NRDE2: variants seen among roughly 807,000 people sequenced by gnomAD.
NRDE2 encodes NRDE-2, necessary for RNA interference, domain containing, also known as nuclear exosome regulator NRDE2.
In NRDE2, 76 loss-of-function variants were observed where a neutral mutation model predicts 124.2. The ratio of observed to expected loss-of-function variants is 0.61; its 90% CI spans 0.51 to 0.74. The LOEUF (loss-of-function observed/expected upper bound fraction) is 0.74, where lower values mean the gene tolerates loss of function less well. Ranked by LOEUF, NRDE2 falls within the 30% of genes least tolerant of loss-of-function variation. The pLI, the probability that NRDE2 is intolerant of heterozygous loss-of-function variation, is 0.00. For synonymous variants in NRDE2, 489 were observed against 528.1 expected (o/e 0.93, Z 1.01); for missense variants, 1,314 against 1,417.3 (o/e 0.93, Z 1.17).
At chr14:90,307,934 G>A (rs1350248642) in intron 4 of NRDE2, among the ~76,000 whole-genome samples, 1 of 152,118 alleles carries the variant, frequency 6.6e-6, no homozygotes, top group Non-Finnish European at 1.5e-5. Context: ...TTTTTGTAGA[G>A]ATGCAGCCTC....
At chr14:90,285,913 G>A (rs1302605943) in intron 12 of NRDE2, among the ~76,000 whole-genome samples, 1 of 152,168 alleles carries the variant, frequency 6.6e-6, no homozygotes, top group African/African-American at 2.4e-5. Flanking sequence ...GGGACTACAG[G>A]CCTGAACCAC....
Position 90,290,563 on chromosome 14 carries a change from G to A in NRDE2, c.1887C>T (p.Ser629=). 1 of 1,613,538 alleles carries A rather than the reference G, an allele frequency of 6.2e-7. No individual in the cohort carries two copies. Among genetic ancestry groups the A allele is most frequent in the Non-Finnish European group, 8.5e-7 (1 of 1,179,784 alleles). Residue 629 remains serine (S), a synonymous_variant, in exon 10 of 14, where the codon AGC becomes AGT. Coordinates refer to ENST00000354366, the MANE Select transcript of NRDE2 (RefSeq NM_017970.4). ...CCACCAGCTGGAACTGAAGATCATGGCTGGAAAGTCTGATCAAAGATTGCC... is the reference window on the plus strand; with the variant it reads ...CCACCAGCTGGAACTGAAGATCATGACTGGAAAGTCTGATCAAAGATTGCC... ...DIGQSLIRLS[S]HDLQFQLVEA...
At position 90,268,555 on chromosome 14, in the gene NRDE2, G is replaced by A; in HGVS notation, c.*9781C>T. The A allele has an allele frequency of 1.3e-6, 1 of 756,820 alleles. No individual in the cohort carries two copies. Among genetic ancestry groups the A allele is most frequent in the East Asian group, 2.6e-5 (1 of 39,198 alleles). 46.9% of individuals were successfully genotyped at this position (756,820 alleles called of 1,614,324 possible). On this transcript the variant is annotated 3_prime_UTR_variant, in exon 14 of 14. Coordinates refer to ENST00000354366, the MANE Select transcript of NRDE2 (RefSeq NM_017970.4). ...GCCTTCCATGCATGCTTTAGGCTCTGCTCTCCCAGGAGCCAGCTAACAACT... is the reference window on the plus strand; with the variant it reads ...GCCTTCCATGCATGCTTTAGGCTCTACTCTCCCAGGAGCCAGCTAACAACT...
At chr14:90,294,295 T>C (rs921663643) in intron 8 of NRDE2, among the ~76,000 whole-genome samples, 40 of 151,734 alleles carry the variant, frequency 2.6e-4, no homozygotes, top group African/African-American at 9.7e-4. Flanking sequence ...GTCTGCTGTA[T>C]GGAAAACAGC....
chr14:90,306,784 T>C (rs540080004), intron 4 of NRDE2, among the ~76,000 whole-genome samples: 44 of 150,148 alleles, frequency 2.9e-4, no homozygotes, highest in South Asian at 2.5e-3. Context: ...CTCTCCAGCC[T>C]GGGCAACAGA....
Position 90,267,880 on chromosome 14 carries a change from C to A in NRDE2, c.*10456G>T. On this transcript the variant is annotated 3_prime_UTR_variant, in exon 14 of 14. Transcript: ENST00000354366. ...CCAGAGAAAAAAATGAGATTTATTT[C>A]ATTACTGGAATGAAGCAATTCTTCG... The A allele has an allele frequency of 5.1e-6, 1 of 195,326 alleles. No homozygotes were observed. Among genetic ancestry groups the A allele is most frequent in the Non-Finnish European group, 1.0e-5 (1 of 96,402 alleles). 12.1% of individuals were successfully genotyped at this position (195,326 alleles called of 1,614,324 possible).
chr14:90,288,208 T>C lies in NRDE2; in HGVS notation c.3158+9A>G. On this transcript the variant is annotated intron_variant, in intron 11 of 13. Transcript: ENST00000354366. ...TGCGGGGCACACGAACAGAACGGTC[T>C]GGAATTACCTCTGGACAGTTTCCAC... is the stretch of plus-strand genomic sequence containing the variant. 1 of 1,609,636 alleles carries C rather than the reference T, an allele frequency of 6.2e-7. No individual in the cohort carries two copies.
chr14:90,330,680 G>T (rs569546755), intron 1 of NRDE2, among the ~76,000 whole-genome samples: 1 of 152,092 alleles, frequency 6.6e-6, no homozygotes, highest in African/African-American at 2.4e-5. Flanking sequence ...AGGCCTGGTG[G>T]TGCACACCAG....
intron 1 of NRDE2, among the ~76,000 whole-genome samples, chr14:90,324,617 A>G (rs1049983754): frequency 6.7e-6 from 1 of 148,836 alleles, no homozygotes; most frequent in African/African-American, 2.5e-5. Flanking sequence ...CAGAGGTTGC[A>G]GTGAGTGGAG....
At position 90,277,090 on chromosome 14, in the gene NRDE2, T is replaced by C. The variant is rs940133653; in HGVS notation, c.*1246A>G. 7 of 152,202 alleles carry C rather than the reference T, an allele frequency of 4.6e-5. No homozygotes were observed. Among genetic ancestry groups the C allele is most frequent in the Admixed American group, 2.6e-4 (4 of 15,286 alleles). 9.4% of individuals were successfully genotyped at this position (152,202 alleles called of 1,614,324 possible). ...ATCAAGGGGAGCAGCTGACGACCTG[T>C]CTGTCGCTAAGGAACACCCGGTGGG... On this transcript the variant is annotated 3_prime_UTR_variant, in exon 14 of 14. Coordinates refer to ENST00000354366, the MANE Select transcript of NRDE2 (RefSeq NM_017970.4).
chr14:90,284,859 T>C (rs1892056553), intron 12 of NRDE2, among the ~76,000 whole-genome samples: 1 of 152,212 alleles, frequency 6.6e-6, no homozygotes, highest in South Asian at 2.1e-4. Context: ...GCTGAGCCAA[T>C]TCATAGACTC....
intron 3 of NRDE2, among the ~76,000 whole-genome samples, chr14:90,315,957 CAAA>C (rs59604203): frequency 4.0e-5 from 3 of 74,406 alleles, no homozygotes; most frequent in Non-Finnish European, 5.0e-5. Flanking sequence ...AACCCCGTCT[CAAA>C]AAAAAAAAAA....
chr14:90,305,556 G>A (rs1884566819), intron 4 of NRDE2, among the ~76,000 whole-genome samples: 1 of 152,324 alleles, frequency 6.6e-6, no homozygotes, highest in East Asian at 1.9e-4. Flanking sequence ...TAAGTAAACA[G>A]AGGTACAGCC....
intron 1 of NRDE2, among the ~76,000 whole-genome samples, chr14:90,331,092 T>C (rs1313599378): frequency 6.7e-6 from 1 of 149,428 alleles, no homozygotes; most frequent in Non-Finnish European, 1.5e-5. Flanking sequence ...ACGCCTGGCT[T>C]TTTTTTTAAG....
At chr14:90,284,908 C>T (rs1029991300) in intron 12 of NRDE2, among the ~76,000 whole-genome samples, 1 of 152,192 alleles carries the variant, frequency 6.6e-6, no homozygotes, top group African/African-American at 2.4e-5. Context: ...TGTACATTCA[C>T]ATTCACAAAA....
chr14:90,313,604 C>A (rs956827941), intron 3 of NRDE2, among the ~76,000 whole-genome samples: 24 of 152,096 alleles, frequency 1.6e-4, no homozygotes, highest in African/African-American at 5.6e-4. Context: ...ACTCCCGGGG[C>A]GTTAAGTGAG....
intron 4 of NRDE2, among the ~76,000 whole-genome samples, chr14:90,306,640 G>A (rs999696570): frequency 1.3e-5 from 2 of 151,616 alleles, no homozygotes; most frequent in African/African-American, 2.4e-5. Context: ...GTGAAACCCC[G>A]TCTCTACTAA....
Position 90,288,941 on chromosome 14 carries a change from T to C in NRDE2, c.2434A>G (p.Ser812Gly), listed in dbSNP as rs758673832. ...AGGTCAGAGTCTTTCAGTTCTCTGC[T>C]TCCTGCCATGCCAAGTGCTGTGTCA... ...VFDTALGMAG[S>G]RELKDSDLCE... The change falls in exon 11 of 14, where the codon AGC (serine) becomes GGC (glycine). Residue 812 changes from serine (S) to glycine (G), a missense_variant. Transcript: ENST00000354366. 6 of 1,612,220 alleles carry C rather than the reference T, an allele frequency of 3.7e-6. No individual in the cohort carries two copies. In the South Asian group the frequency reaches 6.6e-5, roughly 18 times the overall value.
intron 8 of NRDE2, among the ~76,000 whole-genome samples, chr14:90,294,717 C>T (rs992253026): frequency 6.6e-6 from 1 of 152,034 alleles, no homozygotes; most frequent in Non-Finnish European, 1.5e-5. Flanking sequence ...TGGGTACAGA[C>T]TTGGGGAAGA....
Sources: gnomAD v4.1 joint callset for allele counts (sites outside exome capture counted in the v4.1 genomes callset) on GRCh38, gnomAD v4.1.1 for gene constraint, MANE v1.5 for transcripts, NCBI Gene and HGNC (gene_info 2026-07-23, HGNC 2026-07-21) for gene names.